The following VPS4B variants were observed in gnomAD, a reference collection of about 807,000 sequenced individuals.
VPS4B encodes the protein vacuolar protein sorting 4 homolog B, also known as vacuolar protein sorting-associated protein 4B.
In VPS4B, 23 loss-of-function variants were observed where a neutral mutation model predicts 56.1. The ratio of observed to expected loss-of-function variants is 0.41; its 90% CI spans 0.30 to 0.58. VPS4B has a LOEUF of 0.58. Among genes scored for constraint, VPS4B ranks in the 20% least tolerant of loss-of-function variants. The pLI is 0.29. For synonymous variants in VPS4B, 177 were observed against 186.0 expected (o/e 0.95, Z 0.39); for missense variants, 372 against 531.9 (o/e 0.70, Z 2.96).
At position 63,411,368 on chromosome 18, in the gene VPS4B, G is replaced by A. The variant is rs1019314107; in HGVS notation, c.139+99C>T. On this transcript the variant is annotated intron_variant, in intron 2 of 10. Coordinates refer to ENST00000238497, the MANE Select transcript of VPS4B (RefSeq NM_004869.4). ...ATTTTTTTTTTTTAACAAATGGATCGTTTAGAATTGTCTGGCATTATATTT... is the reference window on the plus strand; with the variant it reads ...ATTTTTTTTTTTTAACAAATGGATCATTTAGAATTGTCTGGCATTATATTT... 48 of 832,080 alleles carry A rather than the reference G, an allele frequency of 5.8e-5. No individual in the cohort carries two copies. The Middle Eastern group carries it at 7.6e-4, about 13-fold the overall frequency. 51.5% of individuals were successfully genotyped at this position (832,080 alleles called of 1,614,324 possible). A position where few individuals can be genotyped will look rare whatever the true frequency, so the allele number is the denominator to read the frequency against.
intron 9 of VPS4B, chr18:63,396,291 C>T (rs969948196): frequency 6.6e-6 from 1 of 152,150 alleles, no homozygotes; most frequent in Non-Finnish European, 1.5e-5. Flanking sequence ...CTCACTGTGT[C>T]ACCCAGGCTG....
At chr18:63,398,210 T>C (rs1166503647) in intron 8 of VPS4B, among the ~76,000 whole-genome samples, 39 of 109,734 alleles carry the variant, frequency 3.6e-4, no homozygotes, top group African/African-American at 1.3e-3. Flanking sequence ...CACACATATA[T>C]ATATATATAT....
At chr18:63,392,805 C>T (rs1568082610) in intron 10 of VPS4B, among the ~76,000 whole-genome samples, 4 of 150,308 alleles carry the variant, frequency 2.7e-5, no homozygotes, top group African/African-American at 4.9e-5. Context: ...GGCTGGGGTG[C>T]GGTTGTGCAA....
intron 1 of VPS4B, among the ~76,000 whole-genome samples, chr18:63,411,821 C>T (rs1366450410): frequency 6.6e-6 from 1 of 152,066 alleles, no homozygotes; most frequent in East Asian, 1.9e-4. Flanking sequence ...GGAATAAATG[C>T]TACTGAATGT....
chr18:63,401,722 G>C (rs1373986969), intron 5 of VPS4B, among the ~76,000 whole-genome samples: 2 of 152,202 alleles, frequency 1.3e-5, no homozygotes, highest in African/African-American at 4.8e-5. Context: ...GCTGGGCATG[G>C]TGGCTCATGT....
intron 4 of VPS4B, among the ~76,000 whole-genome samples, chr18:63,405,821 AAAC>A (rs943792548): frequency 3.3e-5 from 5 of 151,136 alleles, no homozygotes; most frequent in African/African-American, 1.2e-4. Context: ...ACAAACAAAC[AAAC>A]AAAAAAAAAA....
At chr18:63,418,829 T>C (rs546198895) in intron 1 of VPS4B, among the ~76,000 whole-genome samples, 1 of 152,324 alleles carries the variant, frequency 6.6e-6, no homozygotes, top group Admixed American at 6.5e-5. Flanking sequence ...GATGTGACTC[T>C]GTATGCCTAC....
At chr18:63,409,522 G>C (rs1476725196) in intron 3 of VPS4B, among the ~76,000 whole-genome samples, 1 of 152,146 alleles carries the variant, frequency 6.6e-6, no homozygotes, top group African/African-American at 2.4e-5. Flanking sequence ...GTGTTACCTG[G>C]AACTACTGGC....
At chr18:63,399,767 AAC>A (rs1242858546) in intron 7 of VPS4B, among the ~76,000 whole-genome samples, 1 of 152,224 alleles carries the variant, frequency 6.6e-6, no homozygotes, top group African/African-American at 2.4e-5. Flanking sequence ...GGCAAAATGA[AAC>A]AGTTTGTTAG....
chr18:63,410,235 T>C, intron 3 of VPS4B, 55 bp downstream of exon 3: 1 of 1,595,852 alleles, frequency 6.3e-7, no homozygotes, highest in Non-Finnish European at 8.5e-7. Context: ...CAAAAGAAAT[T>C]TCACAAATCG....
At chr18:63,402,337 A>T (rs969990427) in intron 5 of VPS4B, among the ~76,000 whole-genome samples, 2 of 152,226 alleles carry the variant, frequency 1.3e-5, no homozygotes, top group Non-Finnish European at 2.9e-5. Context: ...AATATGTGAG[A>T]TGATTTAAAG....
intron 7 of VPS4B, 104 bp downstream of exon 7, chr18:63,399,944 G>C (rs1000047165): frequency 3.8e-6 from 4 of 1,048,060 alleles, no homozygotes; most frequent in Non-Finnish European, 4.0e-6. Context: ...GCTTGAACCT[G>C]GGAGGTGGAG....
chr18:63,400,524 T>C (rs961425448), intron 6 of VPS4B, 23 bp downstream of exon 6: 1 of 1,596,274 alleles, frequency 6.3e-7, no homozygotes, highest in African/African-American at 1.4e-5. Flanking sequence ...GAAAAAACTT[T>C]AAAAAATTGA....
At chr18:63,414,953 T>C (rs1237980379) in intron 1 of VPS4B, among the ~76,000 whole-genome samples, 2 of 152,236 alleles carry the variant, frequency 1.3e-5, no homozygotes, top group Non-Finnish European at 2.9e-5. Flanking sequence ...CTTTCCCTGA[T>C]GATGAGAATG....
At position 63,410,274 on chromosome 18, in the gene VPS4B, A is replaced by G. The variant is rs1429744046; in HGVS notation, c.296+16T>C. ...GCAAAAAGCCACAATAAAATTGAAC[A>G]ATTTTAAACACGTACCCCTTCTCAT... On this transcript the variant is annotated intron_variant, in intron 3 of 10. Coordinates refer to ENST00000238497, the MANE Select transcript of VPS4B (RefSeq NM_004869.4). 1 of 1,604,532 alleles carries G rather than the reference A, an allele frequency of 6.2e-7. No individual in the cohort carries two copies. The highest frequency in any genetic ancestry group is 8.5e-7 in the Non-Finnish European group (1 of 1,177,718).
chr18:63,414,208 C>T (rs1916112129), intron 1 of VPS4B, among the ~76,000 whole-genome samples: 2 of 151,624 alleles, frequency 1.3e-5, no homozygotes, highest in African/African-American at 4.8e-5. Flanking sequence ...ATAATGAAAC[C>T]CCATCTCTAA....
intron 1 of VPS4B, among the ~76,000 whole-genome samples, chr18:63,417,903 T>C (rs1021315748): frequency 1.3e-5 from 2 of 152,100 alleles, no homozygotes; most frequent in Non-Finnish European, 2.9e-5. Context: ...CCCAGACACA[T>C]CCACCTTAGA....
At chr18:63,411,171 G>A (rs1916032799) in intron 2 of VPS4B, among the ~76,000 whole-genome samples, 1 of 152,196 alleles carries the variant, frequency 6.6e-6, no homozygotes, top group African/African-American at 2.4e-5. Flanking sequence ...CTGCCACGTG[G>A]TACACACGCA....
chr18:63,401,376 T>C (rs1405815919), intron 5 of VPS4B, among the ~76,000 whole-genome samples: 1 of 152,184 alleles, frequency 6.6e-6, no homozygotes, highest in Non-Finnish European at 1.5e-5. Flanking sequence ...CGCCTCAGCC[T>C]CCCAGGTAGC....
Sources: gnomAD v4.1 joint callset for allele counts (sites outside exome capture counted in the v4.1 genomes callset) on GRCh38, gnomAD v4.1.1 for gene constraint, MANE v1.5 for transcripts, NCBI Gene and HGNC (gene_info 2026-07-23, HGNC 2026-07-21) for gene names.